KIF13B: variants seen among roughly 807,000 people sequenced by gnomAD.
KIF13B encodes kinesin-like protein KIF13B.
A neutral mutation model predicts 222.0 loss-of-function variants in KIF13B; 127 were observed. That is an observed-to-expected ratio of 0.57 (90% confidence interval 0.50 to 0.66). KIF13B has a LOEUF of 0.66. Ranked by LOEUF, KIF13B falls within the 30% of genes least tolerant of loss-of-function variation. The pLI, the probability that KIF13B is intolerant of heterozygous loss-of-function variation, is 0.00. For missense variants in KIF13B, 2,173 were observed against 2,379.0 expected (o/e 0.91, Z 1.80); for synonymous variants, 976 against 919.0 (o/e 1.06, Z -1.12).
chr8:29,167,537 G>A lies in KIF13B; in HGVS notation c.994C>T (p.Pro332Ser). 6.2e-7 allele frequency: 1 copy of A among 1,614,022 alleles called. No homozygotes were observed. The highest frequency in any genetic ancestry group is 8.5e-7 in the Non-Finnish European group (1 of 1,179,890). ...SKTAMVATVS[P>S]AADNYDETLS... Reference sequence around the variant, plus strand: ...GTTTCATCATAGTTATCAGCTGCAGGACTCACAGTAGCCACCATGGCGGTC... The same window carrying A: ...GTTTCATCATAGTTATCAGCTGCAGAACTCACAGTAGCCACCATGGCGGTC... The change falls in exon 11 of 40, where the codon CCT (proline) becomes TCT (serine). Residue 332 changes from proline to serine, a missense_variant. Pro to Ser is a moderately conservative substitution (Grantham distance 74). This residue lies in a region of KIF13B where 1,480 missense variants were observed against 1,722.8 expected (regional missense o/e 0.86). Coordinates refer to ENST00000524189, the MANE Select transcript of KIF13B (RefSeq NM_015254.4).
At position 29,067,614 on chromosome 8, in the gene KIF13B, G is replaced by T. The variant is rs184696673; in HGVS notation, c.*2890C>A. The T allele has an allele frequency of 6.6e-6, 1 of 152,330 alleles. No homozygotes were observed. Among genetic ancestry groups the T allele is most frequent in the Non-Finnish European group, 1.5e-5 (1 of 68,108 alleles). The allele number at this position is 152,330 out of a possible 1,614,324, so 9.4% of individuals were successfully genotyped here. Reference sequence around the variant, plus strand: ...TTGTGGAGAGAAAGATGCTTTGGGGGTTCAATGGGTCAGTATCTTGGGCAG... The same window carrying T: ...TTGTGGAGAGAAAGATGCTTTGGGGTTTCAATGGGTCAGTATCTTGGGCAG... On this transcript the variant is annotated 3_prime_UTR_variant, in exon 40 of 40. Transcript: ENST00000524189.
chr8:29,147,292 G>A, intron 17 of KIF13B, 100 bp downstream of exon 17: 1 of 846,082 alleles, frequency 1.2e-6, no homozygotes, highest in Non-Finnish European at 1.8e-6. Context: ...TAATTCTTTT[G>A]TAAGCACCAT....
At chr8:29,208,219 G>A (rs1450691719) in intron 2 of KIF13B, among the ~76,000 whole-genome samples, 1 of 152,180 alleles carries the variant, frequency 6.6e-6, no homozygotes, top group African/African-American at 2.4e-5. Context: ...TTTCTCATCA[G>A]TATCACATAT....
At chr8:29,239,328 T>C (rs1278659409) in intron 2 of KIF13B, among the ~76,000 whole-genome samples, 5 of 152,226 alleles carry the variant, frequency 3.3e-5, no homozygotes, top group African/African-American at 1.2e-4. Flanking sequence ...GAGCTGGAAG[T>C]ATACTACGAC....
intron 21 of KIF13B, among the ~76,000 whole-genome samples, chr8:29,138,040 G>T (rs1376293666): frequency 1.3e-5 from 2 of 152,170 alleles, no homozygotes; most frequent in Non-Finnish European, 2.9e-5. Flanking sequence ...TCACATTTTG[G>T]AAAACCAATT....
At chr8:29,190,077 T>A (rs1439175655) in intron 4 of KIF13B, 1 of 152,238 alleles carries the variant, frequency 6.6e-6, no homozygotes, top group Non-Finnish European at 1.5e-5. Flanking sequence ...CTTGTTGCAG[T>A]CTTTTACATG....
rs1164908206 is a variant in KIF13B at position 29,070,463 on chromosome 8, G to A, written c.*41C>T. Reference sequence around the variant, plus strand: ...GGCTGTCACTGGCAGGGCTCAAAAGGGGCCGGGCACCCCCAGAAAAGTTCG... The same window carrying A: ...GGCTGTCACTGGCAGGGCTCAAAAGAGGCCGGGCACCCCCAGAAAAGTTCG... On this transcript the variant is annotated 3_prime_UTR_variant, in exon 40 of 40. Coordinates refer to ENST00000524189, the MANE Select transcript of KIF13B (RefSeq NM_015254.4). This position sits in a 1 kb window ranked among gnomAD's most constrained non-coding sequence, Gnocchi z 4.1. 3 of 1,599,732 alleles carry A rather than the reference G, an allele frequency of 1.9e-6. No homozygotes were observed. In the African/African-American group the frequency reaches 4.0e-5, roughly 21 times the overall value.
intron 11 of KIF13B, among the ~76,000 whole-genome samples, chr8:29,166,670 C>T (rs890542380): frequency 4.0e-5 from 6 of 148,792 alleles, no homozygotes; most frequent in African/African-American, 1.5e-4. Flanking sequence ...CACCATTGCA[C>T]TCCAGCGTGG....
chr8:29,144,734 A>C (rs1030215007), intron 18 of KIF13B, among the ~76,000 whole-genome samples: 29 of 152,238 alleles, frequency 1.9e-4, no homozygotes, highest in African/African-American at 6.5e-4. Flanking sequence ...GCCCTCTTGC[A>C]AAACTGGAAA....
chr8:29,258,327 G>C (rs956591372), intron 1 of KIF13B, among the ~76,000 whole-genome samples: 6 of 152,182 alleles, frequency 3.9e-5, no homozygotes, highest in African/African-American at 1.4e-4. Context: ...TTTTCAGCAA[G>C]CGCTTTTAAA....
At chr8:29,132,222 G>T (rs1810375397) in intron 23 of KIF13B, 86 bp downstream of exon 23, 3 of 1,046,402 alleles carry the variant, frequency 2.9e-6, no homozygotes, top group Non-Finnish European at 3.8e-6. Flanking sequence ...CTCCAGCCTG[G>T]GTGACAGAGT....
At chr8:29,157,426 G>A (rs1394445311) in intron 13 of KIF13B, among the ~76,000 whole-genome samples, 1 of 148,972 alleles carries the variant, frequency 6.7e-6, no homozygotes, top group Admixed American at 6.7e-5. Flanking sequence ...ATTGTGGCCA[G>A]GTGCGGTGGC....
chr8:29,189,139 TC>T (rs1462728700), intron 4 of KIF13B, among the ~76,000 whole-genome samples: 1 of 152,044 alleles, frequency 6.6e-6, no homozygotes, highest in Non-Finnish European at 1.5e-5. Context: ...AGTCAAATTC[TC>T]CCCGACAGGC....
At chr8:29,115,578 G>A (rs1029497802) in intron 31 of KIF13B, among the ~76,000 whole-genome samples, 4 of 151,964 alleles carry the variant, frequency 2.6e-5, no homozygotes, top group Non-Finnish European at 4.4e-5. Context: ...CACCTGCCTC[G>A]GCCTCCCAAA....
At chr8:29,107,449 A>C (rs1172466597) in intron 35 of KIF13B, among the ~76,000 whole-genome samples, 1 of 151,796 alleles carries the variant, frequency 6.6e-6, no homozygotes, top group Non-Finnish European at 1.5e-5. Flanking sequence ...AATCGCTTGA[A>C]CCTGGGAGGC....
At chr8:29,221,471 A>AG (rs1314564044) in intron 2 of KIF13B, among the ~76,000 whole-genome samples, 1 of 152,000 alleles carries the variant, frequency 6.6e-6, no homozygotes, top group African/African-American at 2.4e-5. Flanking sequence ...TATTTAAAAA[A>AG]AAAAAAAAAG....
intron 14 of KIF13B, among the ~76,000 whole-genome samples, chr8:29,155,470 C>T (rs1435190293): frequency 6.6e-6 from 1 of 152,106 alleles, no homozygotes; most frequent in East Asian, 1.9e-4. Context: ...GTGAGTGAAC[C>T]AGGAGGCAGC....
chr8:29,110,202 T>C (rs1417261172), intron 32 of KIF13B, 132 bp from the exon 33 acceptor site: 5 of 744,968 alleles, frequency 6.7e-6, no homozygotes, highest in Non-Finnish European at 4.3e-6. Flanking sequence ...CGCCAAAGCA[T>C]TTTTCCAAGG....
At chr8:29,209,986 G>T (rs1322278803) in intron 2 of KIF13B, among the ~76,000 whole-genome samples, 1 of 151,954 alleles carries the variant, frequency 6.6e-6, no homozygotes, top group Non-Finnish European at 1.5e-5. Flanking sequence ...AGACCAGTTG[G>T]TCAAGGCTGC....
Sources: gnomAD v4.1 joint callset for allele counts (sites outside exome capture counted in the v4.1 genomes callset) on GRCh38, gnomAD v4.1.1 for gene constraint, gnomAD v4.1.1 regional missense constraint, Gnocchi (gnomAD v3.1) non-coding constraint, MANE v1.5 for transcripts, NCBI Gene and HGNC (gene_info 2026-07-23, HGNC 2026-07-21) for gene names.